Variants in LRIG1 observed in about 807,000 individuals in gnomAD.
LRIG1 encodes the protein leucine-rich repeats and immunoglobulin-like domains protein 1.
A neutral mutation model predicts 99.2 loss-of-function variants in LRIG1; 48 were observed. That is an observed-to-expected ratio of 0.48 (90% CI 0.38 to 0.62). LRIG1 has a LOEUF of 0.62. LRIG1 is among the 20% of genes least tolerant of loss of function. LRIG1 has a pLI of 0.00. For missense variants in LRIG1, 1,646 were observed against 1,434.4 expected, an observed-to-expected ratio of 1.15 and a Z score of -2.38; for synonymous variants, 772 against 596.1, an observed-to-expected ratio of 1.29 and a Z score of -4.30.
chr3:66,459,046 C>T (rs1222997572), intron 2 of LRIG1, among the ~76,000 whole-genome samples: 1 of 151,422 alleles, frequency 6.6e-6, no homozygotes, highest in Admixed American at 6.6e-5. Flanking sequence ...TGTTTTATAT[C>T]ACAGAGTTGA....
intron 14 of LRIG1, 55 bp downstream of exon 14, chr3:66,383,936 T>A: frequency 3.4e-6 from 5 of 1,481,572 alleles, no homozygotes; most frequent in Non-Finnish European, 4.5e-6. Context: ...TTTGAGAGTC[T>A]CTCTCTCTCG....
intron 3 of LRIG1, among the ~76,000 whole-genome samples, chr3:66,422,370 T>A (rs1702847986): frequency 6.6e-6 from 1 of 152,248 alleles, no homozygotes; most frequent in Admixed American, 6.5e-5. Flanking sequence ...GTCACATCTT[T>A]AATGCTTTAC....
At chr3:66,383,952 A>G in intron 14 of LRIG1, 39 bp downstream of exon 14, 1 of 1,477,564 alleles carries the variant, frequency 6.8e-7, no homozygotes, top group Non-Finnish European at 9.3e-7. Context: ...TCTCGCTCAC[A>G]CACACACACA....
intron 1 of LRIG1, among the ~76,000 whole-genome samples, chr3:66,480,729 C>G (rs1700830614): frequency 6.6e-6 from 1 of 152,168 alleles, no homozygotes; most frequent in East Asian, 1.9e-4. Flanking sequence ...TTTACCCTCC[C>G]ACAGAAAACA....
intron 3 of LRIG1, among the ~76,000 whole-genome samples, chr3:66,425,300 A>C (rs1702944396): frequency 1.3e-5 from 2 of 152,236 alleles, no homozygotes. Flanking sequence ...CAGTCAACTC[A>C]GCCTGTTCTA....
intron 6 of LRIG1, 95 bp downstream of exon 6, chr3:66,412,776 T>C: frequency 7.0e-7 from 1 of 1,431,268 alleles, no homozygotes; most frequent in Non-Finnish European, 9.7e-7. Context: ...AACGTTGGTG[T>C]TGGTGCGCAC....
At chr3:66,391,831 C>T (rs1452740941) in intron 12 of LRIG1, among the ~76,000 whole-genome samples, 1 of 152,180 alleles carries the variant, frequency 6.6e-6, no homozygotes, top group Non-Finnish European at 1.5e-5. Flanking sequence ...ACAACTCACT[C>T]ATCTAAAGTA....
chr3:66,500,177 G>A lies in LRIG1; in HGVS notation c.218+13C>T, dbSNP rs757717586. On this transcript the variant is annotated intron_variant, in intron 1 of 18. Transcript: ENST00000273261. ...CCCCGGGGCGCAGAGAGGGCGGAAA[G>A]GGCGGCACTCACAGGCTCCGCGTCC... The A allele has an allele frequency of 9.3e-6, 14 of 1,512,358 alleles. No individual in the cohort carries two copies. In the South Asian group the frequency reaches 1.1e-4, roughly 12 times the overall value. 93.7% of individuals were successfully genotyped at this position (1,512,358 alleles called of 1,614,324 possible).
rs1227119708 is a variant in LRIG1 at position 66,382,945 on chromosome 3, C to T, written c.2491+37G>A. The T allele has an allele frequency of 1.9e-6, 3 of 1,558,124 alleles. No individual in the cohort carries two copies. The Admixed American group carries it at 5.3e-5, about 27-fold the overall frequency. On this transcript the variant is annotated intron_variant, in intron 15 of 18. Transcript: ENST00000273261. ...GTTCCCCAGCATCACTGCCATTCCT[C>T]CCTCCTTGAAAGTCAGCTCCGCTGG... is the stretch of plus-strand genomic sequence containing the variant.
intron 3 of LRIG1, among the ~76,000 whole-genome samples, chr3:66,430,221 T>A (rs1703124975): frequency 6.6e-6 from 1 of 151,812 alleles, no homozygotes; most frequent in South Asian, 2.1e-4. Context: ...GGACCAACCA[T>A]CCAATTAAAA....
Position 66,378,893 on chromosome 3 carries a change from T to TTTCTATAAATAA in LRIG1, c.*1358_*1369dup, listed in dbSNP as rs1459462648. Reference sequence around the variant, plus strand: ...GTTTTCAATGTACACTGTACCAAAATTTCTATAAATAAATAACTTTGTACA... The same window carrying TTTCTATAAATAA: ...GTTTTCAATGTACACTGTACCAAAATTTCTATAAATAATTCTATAAATAAATAACTTTGTACA... On this transcript the variant is annotated 3_prime_UTR_variant, in exon 19 of 19. Transcript: ENST00000273261. 1 of 152,666 alleles carries TTTCTATAAATAA rather than the reference T, an allele frequency of 6.6e-6. No individual in the cohort carries two copies. Among genetic ancestry groups the TTTCTATAAATAA allele is most frequent in the Non-Finnish European group, 1.5e-5 (1 of 68,040 alleles). The allele number at this position is 152,666 out of a possible 1,614,324, so 9.5% of individuals were successfully genotyped here.
chr3:66,494,248 C>T (rs1161661739), intron 1 of LRIG1, among the ~76,000 whole-genome samples: 3 of 152,168 alleles, frequency 2.0e-5, no homozygotes, highest in Non-Finnish European at 2.9e-5. Context: ...GAGGTTTGCC[C>T]AAAATCACAC....
At chr3:66,440,890 G>C (rs1703515654) in intron 3 of LRIG1, among the ~76,000 whole-genome samples, 1 of 152,192 alleles carries the variant, frequency 6.6e-6, no homozygotes, top group Admixed American at 6.5e-5. Context: ...CTCAAACCCA[G>C]ATCTGATGGA....
chr3:66,400,180 C>T (rs1328243749), intron 9 of LRIG1, among the ~76,000 whole-genome samples: 2 of 152,236 alleles, frequency 1.3e-5, no homozygotes, highest in African/African-American at 4.8e-5. Flanking sequence ...CCAAAGTCTG[C>T]GCCCCTGCAG....
Position 66,380,194 on chromosome 3 carries a change from T to G in LRIG1, c.*69A>C. 1.5e-6 allele frequency: 2 copies of G among 1,340,514 alleles called. No individual in the cohort carries two copies. Among genetic ancestry groups the G allele is most frequent in the African/African-American group, 2.9e-5 (2 of 68,808 alleles). The allele number at this position is 1,340,514 out of a possible 1,614,324, so 83.0% of individuals were successfully genotyped here. A position where few individuals can be genotyped will look rare whatever the true frequency, so the allele number is the denominator to read the frequency against. ...AGATGAGTGACGCTTGAACCCAAGCTTCCTCGCAGCCTCTCCTACCTCTCT... is the reference window on the plus strand; with the variant it reads ...AGATGAGTGACGCTTGAACCCAAGCGTCCTCGCAGCCTCTCCTACCTCTCT... On this transcript the variant is annotated 3_prime_UTR_variant, in exon 19 of 19. Transcript: ENST00000273261.
intron 5 of LRIG1, among the ~76,000 whole-genome samples, chr3:66,413,637 T>C (rs764509772): frequency 2.0e-5 from 3 of 152,140 alleles, no homozygotes; most frequent in Non-Finnish European, 4.4e-5. Context: ...ATGTCAGGAA[T>C]CTGGGTGGGC....
intron 7 of LRIG1, 88 bp downstream of exon 7, chr3:66,410,041 C>T (rs1409666176): frequency 7.1e-7 from 1 of 1,407,744 alleles, no homozygotes; most frequent in Non-Finnish European, 9.6e-7. Flanking sequence ...CCCGAGGCCA[C>T]TGTGTGGTGG....
intron 3 of LRIG1, among the ~76,000 whole-genome samples, chr3:66,441,732 G>A (rs1236921873): frequency 6.6e-6 from 1 of 152,184 alleles, no homozygotes; most frequent in African/African-American, 2.4e-5. Context: ...AGTACAGTTT[G>A]AAATGTCAGC....
At chr3:66,440,953 C>T (rs554933761) in intron 3 of LRIG1, among the ~76,000 whole-genome samples, 2 of 152,288 alleles carry the variant, frequency 1.3e-5, no homozygotes, top group East Asian at 3.9e-4. Flanking sequence ...CTATAAAGCC[C>T]ACATGATGCC....
Sources: gnomAD v4.1 joint callset for allele counts (sites outside exome capture counted in the v4.1 genomes callset) on GRCh38, gnomAD v4.1.1 for gene constraint, MANE v1.5 for transcripts, NCBI Gene and HGNC (gene_info 2026-07-23, HGNC 2026-07-21) for gene names.